CNTNAP2: variants seen among roughly 807,000 people sequenced by gnomAD.
The protein encoded by CNTNAP2 is contactin associated protein 2.
CNTNAP2 carries 98 observed loss-of-function variants against 155.2 expected under a neutral mutation model. The ratio of observed to expected loss-of-function variants is 0.63; its 90% CI spans 0.54 to 0.75. The LOEUF is 0.75. Ranked by LOEUF, CNTNAP2 falls within the 30% of genes least tolerant of loss-of-function variation. The pLI, the probability that CNTNAP2 is intolerant of heterozygous loss-of-function variation, is 0.00. For missense variants in CNTNAP2, 1,727 were observed against 1,688.1 expected (o/e 1.02, Z -0.40); for synonymous variants, 651 against 631.2 (o/e 1.03, Z -0.47).
intron 8 of CNTNAP2, among the ~76,000 whole-genome samples, chr7:147,217,256 T>C (rs939416666): frequency 1.3e-4 from 19 of 151,992 alleles, no homozygotes; most frequent in African/African-American, 4.3e-4. Context: ...TTCTAGTTTC[T>C]TACCATTAAG....
intron 13 of CNTNAP2, among the ~76,000 whole-genome samples, chr7:147,698,867 A>G (rs150610406): frequency 9.8e-5 from 15 of 152,314 alleles, no homozygotes; most frequent in African/African-American, 3.6e-4. Context: ...GAATAATATC[A>G]GAAATACTAA....
In CNTNAP2 at chr7:147,262,738, G is replaced by A. The variant is rs181014066; in HGVS notation, c.1349-37403G>A. 8.3e-3 allele frequency among the ~76,000 whole-genome samples: 1,270 copies of A among 152,248 alleles called. 23 individuals are homozygous for A. The highest frequency in any genetic ancestry group is 0.028 in the African/African-American group (1,179 of 41,570). On this transcript the variant is annotated intron_variant, in intron 8 of 23. Transcript: ENST00000361727. ...GGAGAATGGCATGAACCCGGGAGGC[G>A]GAGCTTGCAGTGAGCCGAGATCGCG...
chr7:147,674,303 A>G (rs1795834146), intron 13 of CNTNAP2, among the ~76,000 whole-genome samples: 1 of 152,172 alleles, frequency 6.6e-6, no homozygotes, highest in Non-Finnish European at 1.5e-5. Flanking sequence ...AAAAGTCTTT[A>G]CAGTTTCATC....
chr7:147,953,560 T>C (rs1052205478), intron 14 of CNTNAP2, among the ~76,000 whole-genome samples: 2 of 152,194 alleles, frequency 1.3e-5, no homozygotes, highest in Non-Finnish European at 2.9e-5. Flanking sequence ...TTCTATTGGT[T>C]ATGCTGATTA....
rs1800020087 is a variant in CNTNAP2, at chr7:148,417,423, G to A, written c.*1807G>A. On this transcript the variant is annotated 3_prime_UTR_variant, in exon 24 of 24. Coordinates refer to ENST00000361727, the MANE Select transcript of CNTNAP2 (RefSeq NM_014141.6). ...ACAAGTCAAGGTAACAGAACAAAAG[G>A]GAATCCTGATGCCCTTTTACCATTG... 1 of 152,578 alleles carries A rather than the reference G, an allele frequency of 6.6e-6. No homozygotes were observed. The highest frequency in any genetic ancestry group is 2.1e-4 in the South Asian group (1 of 4,832). The allele number at this position is 152,578 out of a possible 1,614,324, so 9.5% of individuals were successfully genotyped here.
At chr7:147,553,393 T>C (rs959424418) in intron 11 of CNTNAP2, among the ~76,000 whole-genome samples, 2 of 152,188 alleles carry the variant, frequency 1.3e-5, no homozygotes, top group African/African-American at 4.8e-5. Flanking sequence ...CTTGTCTTCC[T>C]TGCAACCTCC....
At chr7:148,136,434 A>G (rs1804951542) in intron 16 of CNTNAP2, among the ~76,000 whole-genome samples, 1 of 151,926 alleles carries the variant, frequency 6.6e-6, no homozygotes, top group African/African-American at 2.4e-5. Context: ...TTGCCATGTG[A>G]TGTGCTGCTG....
chr7:146,397,691 C>T (rs1427081994), intron 1 of CNTNAP2, among the ~76,000 whole-genome samples: 1 of 152,040 alleles, frequency 6.6e-6, no homozygotes, highest in Non-Finnish European at 1.5e-5. Flanking sequence ...ACCCACCCCT[C>T]CAAATTTATA....
intron 1 of CNTNAP2, among the ~76,000 whole-genome samples, chr7:146,767,604 A>T (rs916516140): frequency 3.9e-5 from 6 of 152,180 alleles, no homozygotes; most frequent in African/African-American, 1.4e-4. Flanking sequence ...AGCAAGAGAT[A>T]CACAAAAGCA....
At chr7:147,823,496 A>C (rs1308302175) in intron 13 of CNTNAP2, among the ~76,000 whole-genome samples, 1 of 152,158 alleles carries the variant, frequency 6.6e-6, no homozygotes, top group Non-Finnish European at 1.5e-5. Flanking sequence ...AAGACATATC[A>C]CTACCTTTGA....
chr7:146,977,058 C>T (rs1563028944), intron 3 of CNTNAP2, among the ~76,000 whole-genome samples: 3 of 152,022 alleles, frequency 2.0e-5, no homozygotes, highest in Non-Finnish European at 4.4e-5. Flanking sequence ...GAGGTTTGCT[C>T]CTGAGGTCTA....
chr7:148,240,783 T>C (rs1414291833), intron 20 of CNTNAP2, among the ~76,000 whole-genome samples: 1 of 152,164 alleles, frequency 6.6e-6, no homozygotes, highest in Admixed American at 6.5e-5. Flanking sequence ...GCCTTCAGTC[T>C]GTGGTCGAAG....
At position 147,639,250 on chromosome 7, in the gene CNTNAP2, A is replaced by G. The variant is rs1248586698; in HGVS notation, c.2042A>G (p.Tyr681Cys). 6.2e-7 allele frequency: 1 copy of G among 1,614,136 alleles called. No homozygotes were observed. Among genetic ancestry groups the G allele is most frequent in the South Asian group, 1.1e-5 (1 of 91,082 alleles). ...QISAITDSAE[Y>C]CEQYVSYFCK... is the part of the protein sequence containing the mutation. ...AGTGCCATCACTGACAGTGCCGAGTACTGCGAGCAGTATGTCTCCTATTTC... is the reference window on the plus strand; with the variant it reads ...AGTGCCATCACTGACAGTGCCGAGTGCTGCGAGCAGTATGTCTCCTATTTC... Residue 681 changes from tyrosine to cysteine, a missense_variant, in exon 13 of 24, where the codon TAC (tyrosine) becomes TGC (cysteine). By Grantham distance (194) the Tyr-to-Cys change is radical (BLOSUM62 -2). Transcript: ENST00000361727.
chr7:148,034,052 A>T (rs1032820419), intron 15 of CNTNAP2, among the ~76,000 whole-genome samples: 1 of 152,214 alleles, frequency 6.6e-6, no homozygotes, highest in Admixed American at 6.5e-5. Context: ...ATCATAAAAA[A>T]ACTGTTAAGT....
At chr7:146,636,236 G>A (rs1269890441) in intron 1 of CNTNAP2, among the ~76,000 whole-genome samples, 1 of 152,094 alleles carries the variant, frequency 6.6e-6, no homozygotes, top group Non-Finnish European at 1.5e-5. Flanking sequence ...TCTTGAATGT[G>A]CTGGTGATTA....
At chr7:147,176,763 T>TTA (rs1456134401) in intron 8 of CNTNAP2, among the ~76,000 whole-genome samples, 4 of 125,802 alleles carry the variant, frequency 3.2e-5, no homozygotes, top group Non-Finnish European at 6.4e-5. Context: ...ATAATTATAA[T>TTA]TATATAGAAT....
chr7:146,993,298 A>C (rs1381559310), intron 3 of CNTNAP2, among the ~76,000 whole-genome samples: 1 of 152,064 alleles, frequency 6.6e-6, no homozygotes, highest in African/African-American at 2.4e-5. Context: ...GGCTGCTGGC[A>C]CTTGGGAGGT....
intron 1 of CNTNAP2, among the ~76,000 whole-genome samples, chr7:146,763,746 A>G (rs565069230): frequency 6.6e-6 from 1 of 152,330 alleles, no homozygotes; most frequent in African/African-American, 2.4e-5. Context: ...CTTTACCTAT[A>G]AATATCTATT....
At chr7:146,665,553 G>A (rs1021186522) in intron 1 of CNTNAP2, among the ~76,000 whole-genome samples, 2 of 151,330 alleles carry the variant, frequency 1.3e-5, no homozygotes, top group South Asian at 2.1e-4. Context: ...AGGCTGAGGC[G>A]GGTGGATCAC....
Sources: allele counts gnomAD v4.1 joint callset (sites outside exome capture counted in the v4.1 genomes callset), GRCh38; gene constraint gnomAD v4.1.1; transcripts MANE v1.5; gene names NCBI Gene and HGNC (gene_info 2026-07-23, HGNC 2026-07-21).